The following NRP1 variants were observed in gnomAD, a reference collection of about 807,000 sequenced individuals.
NRP1 encodes neuropilin-1.
A neutral mutation model predicts 106.7 loss-of-function variants in NRP1; 35 were observed. The ratio of observed to expected loss-of-function variants is 0.33; its 90% CI spans 0.25 to 0.43. NRP1 has a LOEUF of 0.43. Among genes scored for constraint, NRP1 ranks in the 20% least tolerant of loss-of-function variants. NRP1 has a pLI of 1.00. For synonymous variants in NRP1, 437 were observed against 417.9 expected (o/e 1.05, Z -0.56); for missense variants, 1,024 against 1,170.4 (o/e 0.87, Z 1.83).
chr10:33,293,632 A>G (rs1025870400), intron 2 of NRP1, among the ~76,000 whole-genome samples: 2 of 152,194 alleles, frequency 1.3e-5, no homozygotes, highest in African/African-American at 4.8e-5. Context: ...TGCTTTTTCT[A>G]TTAAAACACA....
chr10:33,246,358 AG>A (rs1454099160), intron 6 of NRP1, among the ~76,000 whole-genome samples: 1 of 152,190 alleles, frequency 6.6e-6, no homozygotes, highest in Non-Finnish European at 1.5e-5. Flanking sequence ...AGGACACTGT[AG>A]ATTATGGAAC....
chr10:33,320,362 T>C (rs1278593538), intron 2 of NRP1, among the ~76,000 whole-genome samples: 2 of 147,648 alleles, frequency 1.4e-5, no homozygotes, highest in South Asian at 4.4e-4. Context: ...CTCCAGACAA[T>C]CCGTAGCCCT....
At chr10:33,205,249 C>T (rs1005440893) in intron 10 of NRP1, among the ~76,000 whole-genome samples, 2 of 152,198 alleles carry the variant, frequency 1.3e-5, no homozygotes, top group African/African-American at 4.8e-5. Flanking sequence ...ACATTACTTT[C>T]CCCAGATGTT....
chr10:33,202,908 T>A lies in NRP1; in HGVS notation c.1847A>T (p.Asp616Val). The A allele has an allele frequency of 6.2e-7, 1 of 1,614,236 alleles. No individual in the cohort carries two copies. The highest frequency in any genetic ancestry group is 1.6e-4 in the Middle Eastern group (1 of 6,062). Reference sequence around the variant, plus strand: ...TTCTGCACCTGTGAGCTGGAAGTCATCACCTGTTCCACTGTGGCAGTTGGC... The same window carrying A: ...TTCTGCACCTGTGAGCTGGAAGTCAACACCTGTTCCACTGTGGCAGTTGGC... ...DQANCHSGTG[D>V]DFQLTGGTTV... is the part of the protein sequence containing the mutation. Residue 616 changes from aspartate to valine, a missense_variant, in exon 11 of 17, where the codon GAT becomes GTT. Physicochemically the swap from Asp to Val is radical, Grantham distance 152. Around this residue, in one of 5 missense-constraint regions of NRP1, gnomAD observed 562 missense variants for 620.3 expected, o/e 0.91. Transcript: ENST00000374867.
chr10:33,203,139 C>A, intron 10 of NRP1, 144 bp from the exon 11 acceptor site: 1 of 735,194 alleles, frequency 1.4e-6, no homozygotes. Flanking sequence ...CTTTCAGGAG[C>A]TAGATATACT....
intron 2 of NRP1, among the ~76,000 whole-genome samples, chr10:33,273,292 C>T (rs1376549919): frequency 6.6e-6 from 1 of 152,196 alleles, no homozygotes; most frequent in Non-Finnish European, 1.5e-5. Context: ...ATAGCAGCTC[C>T]TGTAAATATT....
At chr10:33,202,576 G>GT (rs1159343508) in intron 11 of NRP1, 2 of 1,419,284 alleles carry the variant, frequency 1.4e-6, no homozygotes, top group East Asian at 2.6e-5. Flanking sequence ...TTGGGGGGGG[G>GT]TCTGAAAATA....
chr10:33,204,033 G>A (rs116319440), intron 10 of NRP1, among the ~76,000 whole-genome samples: 1,674 of 152,092 alleles, frequency 0.011, 28 homozygotes, highest in African/African-American at 0.038. Context: ...TTTAAATTTC[G>A]TTCAGATATT....
In NRP1 at chr10:33,295,242, TGG is replaced by T. The variant is rs1266720950; in HGVS notation, c.249-24388_249-24387del. ...CAGTTGTTCAAAAATAAAACAGTGG[TGG>T]GAGAGGTGAGCCATCACTTGGGAAC... is the stretch of plus-strand genomic sequence containing the variant. On this transcript the variant is annotated intron_variant, in intron 2 of 16. Coordinates refer to ENST00000374867, the MANE Select transcript of NRP1 (RefSeq NM_003873.7). Among the ~76,000 whole-genome samples the T allele has an allele frequency of 2.0e-5, 3 of 152,124 alleles. No homozygotes were observed. In the East Asian group the frequency reaches 5.8e-4, roughly 29 times the overall value.
At chr10:33,256,014 G>A (rs936973706) in intron 5 of NRP1, among the ~76,000 whole-genome samples, 8 of 152,126 alleles carry the variant, frequency 5.3e-5, no homozygotes, top group Non-Finnish European at 1.0e-4. Flanking sequence ...ATGCATTTGA[G>A]GGTGCCAGGT....
intron 6 of NRP1, among the ~76,000 whole-genome samples, chr10:33,232,397 A>G (rs538571153): frequency 2.8e-4 from 42 of 152,218 alleles, no homozygotes; most frequent in African/African-American, 1.0e-3. Flanking sequence ...GATGGATGTG[A>G]TTTCACATCT....
chr10:33,243,237 AT>A (rs1237199182), intron 6 of NRP1, among the ~76,000 whole-genome samples: 1 of 152,158 alleles, frequency 6.6e-6, no homozygotes, highest in Non-Finnish European at 1.5e-5. Context: ...AAGAAAAAAA[AT>A]CTTGTTAATT....
chr10:33,242,214 T>C lies in NRP1; in HGVS notation c.981+11814A>G, dbSNP rs528145994. Among the ~76,000 whole-genome samples, 3 of 152,310 alleles carry C rather than the reference T, an allele frequency of 2.0e-5. No homozygotes were observed. The South Asian group carries it at 6.2e-4, about 32-fold the overall frequency. ...TGCTCAATAAATGAATTCACCTATT[T>C]ACAAGTGGTTGATTTTAGAGGAAAT... On this transcript the variant is annotated intron_variant, in intron 6 of 16. Transcript: ENST00000374867.
chr10:33,311,173 A>G (rs1846583716), intron 2 of NRP1, among the ~76,000 whole-genome samples: 1 of 152,168 alleles, frequency 6.6e-6, no homozygotes, highest in Non-Finnish European at 1.5e-5. Flanking sequence ...CGGGGGATTG[A>G]GTGACCTTGG....
chr10:33,188,604 C>T (rs76694447), intron 13 of NRP1, among the ~76,000 whole-genome samples: 1,980 of 151,898 alleles, frequency 0.013, 45 homozygotes, highest in African/African-American at 0.045. Flanking sequence ...TGGCCGGGCG[C>T]GGTGGTCCAC....
chr10:33,222,600 G>A (rs535294891), intron 7 of NRP1, among the ~76,000 whole-genome samples: 16 of 151,690 alleles, frequency 1.1e-4, no homozygotes, highest in South Asian at 6.2e-4. Flanking sequence ...GGCTCACTGC[G>A]GCCTCCGCCT....
intron 6 of NRP1, chr10:33,249,671 CAT>C (rs2133139772): frequency 2.8e-6 from 1 of 362,952 alleles, no homozygotes; most frequent in East Asian, 7.3e-5. Flanking sequence ...AGGCAAATTT[CAT>C]AGTGTGATTA....
Position 33,221,725 on chromosome 10 carries a change from T to C in NRP1, c.1276A>G (p.Ile426Val), listed in dbSNP as rs1839254087. 6.2e-7 allele frequency: 1 copy of C among 1,613,642 alleles called. No homozygotes were observed. The highest frequency in any genetic ancestry group is 8.5e-7 in the Non-Finnish European group (1 of 1,179,544). The stretch of plus-strand genomic sequence containing the variant: ...TCAATCTTCCACAGCTTACCTGTTA[T>C]CTTGCAACCGTATACTTCAAATCTC... ...SMRFEVYGCK[I>V]TDYPCSGMLG... is the part of the protein sequence containing the mutation. Residue 426 changes from isoleucine to valine, a missense_variant, in exon 8 of 17, where the codon ATA becomes GTA. This residue lies in a region of NRP1 where 562 missense variants were observed against 620.3 expected (regional missense o/e 0.91). Transcript: ENST00000374867.
chr10:33,244,171 G>A (rs1841245983), intron 6 of NRP1, among the ~76,000 whole-genome samples: 1 of 152,158 alleles, frequency 6.6e-6, no homozygotes, highest in African/African-American at 2.4e-5. Flanking sequence ...GGCTGTGGAT[G>A]TGCTAGAGGA....
Sources: gnomAD v4.1 joint callset for allele counts (sites outside exome capture counted in the v4.1 genomes callset) on GRCh38, gnomAD v4.1.1 for gene constraint, gnomAD v4.1.1 regional missense constraint, MANE v1.5 for transcripts, NCBI Gene and HGNC (gene_info 2026-07-23, HGNC 2026-07-21) for gene names.